The following WDR72 variants were observed in gnomAD, a reference collection of about 807,000 sequenced individuals.
WDR72 encodes WD repeat domain 72.
In WDR72, 120 loss-of-function variants were observed where a neutral mutation model predicts 124.2. The ratio of observed to expected loss-of-function variants is 0.97; its 90% CI spans 0.83 to 1.12. The LOEUF (loss-of-function observed/expected upper bound fraction) is 1.12, where lower values mean the gene tolerates loss of function less well. Among genes scored for constraint, WDR72 ranks in the 50% most tolerant of loss-of-function variants. The pLI is 0.00. For synonymous variants in WDR72, 452 were observed against 441.7 expected, an observed-to-expected ratio of 1.02 and a Z score of -0.29; for missense variants, 1,387 against 1,278.8, an observed-to-expected ratio of 1.08 and a Z score of -1.29.
chr15:53,635,456 T>C (rs2140401860), intron 14 of WDR72, among the ~76,000 whole-genome samples: 1 of 152,286 alleles, frequency 6.6e-6, no homozygotes. Flanking sequence ...TAGAAAAGCT[T>C]TGGGAATTCC....
chr15:53,683,903 A>G (rs2016494743), intron 13 of WDR72, among the ~76,000 whole-genome samples: 1 of 152,126 alleles, frequency 6.6e-6, no homozygotes, highest in African/African-American at 2.4e-5. Flanking sequence ...AATCTCTTAG[A>G]CTAACAGGAG....
At chr15:53,593,236 A>C (rs1009152903) in intron 18 of WDR72, among the ~76,000 whole-genome samples, 2 of 152,112 alleles carry the variant, frequency 1.3e-5, no homozygotes, top group Admixed American at 6.6e-5. Context: ...AGAAAAGAAT[A>C]AAAATCTAAG....
chr15:53,556,662 C>G (rs1893944310), intron 18 of WDR72, among the ~76,000 whole-genome samples: 1 of 152,070 alleles, frequency 6.6e-6, no homozygotes. Flanking sequence ...CATAGAGAAT[C>G]CTTTTTGATG....
chr15:53,625,683 T>C (rs934499978), intron 14 of WDR72, among the ~76,000 whole-genome samples: 12 of 151,852 alleles, frequency 7.9e-5, no homozygotes, highest in African/African-American at 2.7e-4. Context: ...ATTATTCCTC[T>C]ACTACCCACA....
intron 1 of WDR72, among the ~76,000 whole-genome samples, chr15:53,743,973 C>CAAAA (rs11295149): frequency 7.8e-6 from 1 of 128,722 alleles, no homozygotes; most frequent in Non-Finnish European, 1.7e-5. Context: ...AGACTCGTCT[C>CAAAA]AAAAAAAAAA....
chr15:53,682,193 T>C (rs1468384588), intron 13 of WDR72, among the ~76,000 whole-genome samples: 2 of 152,218 alleles, frequency 1.3e-5, no homozygotes, highest in Non-Finnish European at 2.9e-5. Context: ...ATCCTTGGAA[T>C]GTCCTTACTT....
At chr15:53,690,484 G>C (rs2016803020) in intron 13 of WDR72, among the ~76,000 whole-genome samples, 1 of 152,018 alleles carries the variant, frequency 6.6e-6, no homozygotes, top group African/African-American at 2.4e-5. Context: ...CTGCTTTCTG[G>C]TTTTATGGAT....
intron 1 of WDR72, among the ~76,000 whole-genome samples, chr15:53,738,174 G>GT (rs2018410131): frequency 6.6e-6 from 1 of 151,998 alleles, no homozygotes; most frequent in South Asian, 2.1e-4. Flanking sequence ...CCAAATGTAG[G>GT]TTTTGTATTA....
chr15:53,743,985 A>AG (rs1374895522), intron 1 of WDR72, among the ~76,000 whole-genome samples: 1 of 152,128 alleles, frequency 6.6e-6, no homozygotes, highest in African/African-American at 2.4e-5. Flanking sequence ...AAAAAAAAAA[A>AG]AAAAAATTTA....
At chr15:53,742,919 G>C (rs2018546539) in intron 1 of WDR72, among the ~76,000 whole-genome samples, 1 of 152,044 alleles carries the variant, frequency 6.6e-6, no homozygotes, top group Non-Finnish European at 1.5e-5. Flanking sequence ...TACAGCTATG[G>C]AAATAATTAT....
intron 18 of WDR72, among the ~76,000 whole-genome samples, chr15:53,560,971 C>T (rs1313787266): frequency 6.6e-6 from 1 of 151,758 alleles, no homozygotes; most frequent in Non-Finnish European, 1.5e-5. Context: ...TATCTAATTC[C>T]CAGACTTCAC....
At chr15:53,621,429 T>TTATATATATATATA (rs1566988971) in intron 14 of WDR72, among the ~76,000 whole-genome samples, 1 of 78,472 alleles carries the variant, frequency 1.3e-5, no homozygotes, top group African/African-American at 8.2e-5. Context: ...AAAGAAACTG[T>TTATATATATATATA]GATATATATA....
At chr15:53,551,190 TG>T (rs972355310) in intron 18 of WDR72, among the ~76,000 whole-genome samples, 4 of 152,036 alleles carry the variant, frequency 2.6e-5, no homozygotes, top group African/African-American at 9.7e-5. Flanking sequence ...GAATGGAGGA[TG>T]GCCAGTGAGA....
intron 1 of WDR72, among the ~76,000 whole-genome samples, chr15:53,757,148 G>A (rs573620177): frequency 4.6e-5 from 7 of 152,264 alleles, no homozygotes; most frequent in Non-Finnish European, 1.0e-4. Flanking sequence ...CTTCAAAGCT[G>A]ACCTGGGCCT....
intron 13 of WDR72, among the ~76,000 whole-genome samples, chr15:53,692,821 G>A (rs1320701304): frequency 2.0e-5 from 3 of 152,060 alleles, no homozygotes. Context: ...AATATATGTC[G>A]AGTAATAACA....
At chr15:53,653,197 G>A (rs2015302763) in intron 14 of WDR72, among the ~76,000 whole-genome samples, 2 of 152,080 alleles carry the variant, frequency 1.3e-5, no homozygotes, top group Admixed American at 6.6e-5. Flanking sequence ...TTAGACTTCA[G>A]TAGTTTTCAG....
intron 18 of WDR72, among the ~76,000 whole-genome samples, chr15:53,591,340 T>C (rs4468551): frequency 0.2 from 30,658 of 151,928 alleles, 4,733 homozygotes; most frequent in African/African-American, 0.43. Flanking sequence ...GAGGAAGTGG[T>C]ATAAAGAAGT....
Position 53,692,438 on chromosome 15 carries a change from TAA to T in WDR72, c.1765+7310_1765+7311del, listed in dbSNP as rs1225495536. ...ACAGTAATTCATGAAGGATTTATAA[TAA>T]ATAATAGTTAATGTTTATTCAGCCC... On this transcript the variant is annotated intron_variant, in intron 13 of 19. Coordinates refer to ENST00000360509, the MANE Select transcript of WDR72 (RefSeq NM_182758.4). Among the ~76,000 whole-genome samples the T allele has an allele frequency of 2.0e-5, 3 of 152,188 alleles. No homozygotes were observed. The East Asian group carries it at 5.8e-4, about 29-fold the overall frequency.
At chr15:53,732,894 T>C (rs1340242445) in intron 2 of WDR72, 103 bp downstream of exon 2, 2 of 1,396,182 alleles carry the variant, frequency 1.4e-6, no homozygotes. Context: ...TAAACATCTT[T>C]TTAACAATCA....
Sources: gnomAD v4.1 joint callset for allele counts (sites outside exome capture counted in the v4.1 genomes callset) on GRCh38, gnomAD v4.1.1 for gene constraint, MANE v1.5 for transcripts, NCBI Gene and HGNC (gene_info 2026-07-23, HGNC 2026-07-21) for gene names.